Variants in MNDA observed in about 807,000 individuals in gnomAD.
MNDA encodes the protein myeloid cell nuclear differentiation antigen, also known as epididymis secretory sperm binding protein.
Under a neutral mutation model 37.8 loss-of-function variants are expected in MNDA, and 43 were observed. The ratio of observed to expected loss-of-function variants is 1.14; its 90% CI spans 0.89 to 1.47. MNDA has a LOEUF of 1.47. Among genes scored for constraint, MNDA ranks in the 40% most tolerant of loss-of-function variants. MNDA has a pLI of 0.00. For missense variants in MNDA, 536 were observed against 476.0 expected (o/e 1.13, Z -1.17); for synonymous variants, 181 against 169.0 (o/e 1.07, Z -0.55).
At chr1:158,832,524 T>C (rs749646612) in intron 1 of MNDA, among the ~76,000 whole-genome samples, 10 of 151,744 alleles carry the variant, frequency 6.6e-5, no homozygotes, top group Non-Finnish European at 1.3e-4. Context: ...TATATCTAAG[T>C]ATATATGTTA....
chr1:158,834,673 G>C (rs972284022), intron 1 of MNDA, among the ~76,000 whole-genome samples: 12 of 152,008 alleles, frequency 7.9e-5, no homozygotes, highest in Non-Finnish European at 1.5e-4. Context: ...TGTGCCATCG[G>C]TGTCATGTCC....
At chr1:158,842,448 T>C in intron 2 of MNDA, 30 bp downstream of exon 2, 1 of 1,585,090 alleles carries the variant, frequency 6.3e-7, no homozygotes. Context: ...ACATAGCTAC[T>C]CTGCCTTGAG....
intron 2 of MNDA, 87 bp from the exon 3 acceptor site, chr1:158,843,192 A>C (rs1321987876): frequency 6.8e-7 from 1 of 1,475,344 alleles, no homozygotes; most frequent in Non-Finnish European, 9.1e-7. Flanking sequence ...AGGAGCTGAC[A>C]GCAGGTAATA....
chr1:158,838,520 G>A (rs56257984), intron 1 of MNDA, among the ~76,000 whole-genome samples: 26,548 of 151,764 alleles, frequency 0.17, 2,562 homozygotes, highest in Admixed American at 0.26. Flanking sequence ...TTTTCTTTTC[G>A]TCTTTGAGTG....
At chr1:158,847,651 C>T (rs879140788) in intron 5 of MNDA, 77 bp from the exon 6 acceptor site, 1 of 1,415,418 alleles carries the variant, frequency 7.1e-7, no homozygotes. Flanking sequence ...ATTGCATTAA[C>T]TTTGTCATGA....
intron 1 of MNDA, among the ~76,000 whole-genome samples, chr1:158,839,268 A>T (rs1008794320): frequency 1.3e-5 from 2 of 152,142 alleles, no homozygotes; most frequent in Non-Finnish European, 2.9e-5. Flanking sequence ...ACGTTCTCTG[A>T]GGCCTATATG....
Position 158,849,438 on chromosome 1 carries a change from TA to T in MNDA, c.*202del. On this transcript the variant is annotated 3_prime_UTR_variant, in exon 7 of 7. Transcript: ENST00000368141. ...TTCTTCTTATACTCTTCCTTTTTTT[TA>T]GATATTACATTTTGCTTTTATGACA... The T allele has an allele frequency of 4.1e-6, 2 of 487,718 alleles. No individual in the cohort carries two copies. Among genetic ancestry groups the T allele is most frequent in the Non-Finnish European group, 7.4e-6 (2 of 271,956 alleles). 30.2% of individuals were successfully genotyped at this position (487,718 alleles called of 1,614,324 possible). A position where few individuals can be genotyped will look rare whatever the true frequency, so the allele number is the denominator to read the frequency against.
At chr1:158,842,923 C>A (rs1659060509) in intron 2 of MNDA, among the ~76,000 whole-genome samples, 1 of 152,004 alleles carries the variant, frequency 6.6e-6, no homozygotes, top group Non-Finnish European at 1.5e-5. Flanking sequence ...AGATATTGCA[C>A]AGAACATGAC....
chr1:158,847,594 A>C (rs1031052498), intron 5 of MNDA, 134 bp from the exon 6 acceptor site: 14 of 686,300 alleles, frequency 2.0e-5, no homozygotes, highest in Non-Finnish European at 2.7e-5. Context: ...GTGAGATGGC[A>C]GGCCAAGCCA....
chr1:158,845,732 CA>C lies in MNDA; in HGVS notation c.717del (p.Val240TrpfsTer10), dbSNP rs776010746. On this transcript the variant is annotated frameshift_variant, in exon 5 of 7. Transcript: ENST00000368141. LOFTEE classifies it high-confidence loss of function. ...GGGAAAAGCACAATGTTTCATGCTA[CA>C]GTGGCCAGTAAGACTCAATATTTCC... ...ENGKSTMFHA[T>X]VASKTQYFHV... The C allele has an allele frequency of 6.2e-7, 1 of 1,614,102 alleles. No individual in the cohort carries two copies. Among genetic ancestry groups the C allele is most frequent in the South Asian group, 1.1e-5 (1 of 91,082 alleles).
rs750084919 is a variant in MNDA, at chr1:158,842,310, GA to G, written c.164del (p.Lys55SerfsTer8). 2 of 1,614,032 alleles carry G rather than the reference GA, an allele frequency of 1.2e-6. No homozygotes were observed. Among genetic ancestry groups the G allele is most frequent in the Admixed American group, 1.7e-5 (1 of 60,020 alleles). Reference protein sequence around the residue: ...YNRIKITDLMEKKFQGVACLD... With the variant: ...YNRIKITDLMXKKFQGVACLD... ...CAGAATTAAGATTACAGATTTGATGGAAAAAAAGTTCCAAGGCGTTGCCTGT... is the reference window on the plus strand; with the variant it reads ...CAGAATTAAGATTACAGATTTGATGGAAAAAAGTTCCAAGGCGTTGCCTGT... On this transcript the variant is annotated frameshift_variant, in exon 2 of 7. Coordinates refer to ENST00000368141, the MANE Select transcript of MNDA (RefSeq NM_002432.3). LOFTEE classifies it high-confidence loss of function.
At chr1:158,831,819 T>C (rs1041514356) in intron 1 of MNDA, among the ~76,000 whole-genome samples, 3 of 152,152 alleles carry the variant, frequency 2.0e-5, no homozygotes, top group African/African-American at 7.2e-5. Flanking sequence ...CATAAATTGA[T>C]ATTTAGAGGA....
intron 5 of MNDA, among the ~76,000 whole-genome samples, chr1:158,846,739 C>T (rs1271121781): frequency 6.6e-6 from 1 of 152,162 alleles, no homozygotes; most frequent in Non-Finnish European, 1.5e-5. Flanking sequence ...TTACACATTT[C>T]TATGAACTCA....
chr1:158,833,693 T>A (rs1160234370), intron 1 of MNDA, among the ~76,000 whole-genome samples: 1 of 152,236 alleles, frequency 6.6e-6, no homozygotes, highest in African/African-American at 2.4e-5. Flanking sequence ...TAATATTCCA[T>A]TTCATGTATT....
chr1:158,833,092 T>C (rs936219866), intron 1 of MNDA, among the ~76,000 whole-genome samples: 4 of 152,132 alleles, frequency 2.6e-5, no homozygotes, highest in African/African-American at 9.7e-5. Flanking sequence ...CTGTTAAGAG[T>C]ATGTTCATAT....
At position 158,842,083 on chromosome 1, in the gene MNDA, T is replaced by TAA; in HGVS notation, c.-20-48_-20-47dup. 9 of 1,483,474 alleles carry TAA rather than the reference T, an allele frequency of 6.1e-6. No homozygotes were observed. In the South Asian group the frequency reaches 1.1e-4, roughly 18 times the overall value. 91.9% of individuals were successfully genotyped at this position (1,483,474 alleles called of 1,614,324 possible). On this transcript the variant is annotated intron_variant, in intron 1 of 6. Coordinates refer to ENST00000368141, the MANE Select transcript of MNDA (RefSeq NM_002432.3). ...ACTCACAAAAGCATATCTCATTTTT[T>TAA]AAAATTGTCTGCATAAATGTGTAAT...
chr1:158,840,996 A>G (rs1031244900), intron 1 of MNDA, among the ~76,000 whole-genome samples: 4 of 152,202 alleles, frequency 2.6e-5, no homozygotes, highest in Admixed American at 6.5e-5. Context: ...ATTGGAATAT[A>G]CGTTAGGAAC....
chr1:158,843,858 A>G, intron 3 of MNDA, 97 bp from the exon 4 acceptor site: 3 of 1,116,438 alleles, frequency 2.7e-6, no homozygotes, highest in Non-Finnish European at 1.3e-6. Flanking sequence ...CCCATCCAAC[A>G]TAAATAGAAC....
Position 158,847,919 on chromosome 1 carries a change from G to C in MNDA, c.1176+3G>C. On this transcript the variant is annotated splice_donor_region_variant and intron_variant, in intron 6 of 6. Coordinates refer to ENST00000368141, the MANE Select transcript of MNDA (RefSeq NM_002432.3). ...GTGGAAGTCACAGCTTCATCAAGGT[G>C]GGAACTGGATAGAGGAGAATGAGTT... is the stretch of plus-strand genomic sequence containing the variant. The C allele has an allele frequency of 6.2e-7, 1 of 1,612,928 alleles. No homozygotes were observed. Among genetic ancestry groups the C allele is most frequent in the Non-Finnish European group, 8.5e-7 (1 of 1,179,318 alleles).
Sources: gnomAD v4.1 joint callset for allele counts (sites outside exome capture counted in the v4.1 genomes callset) on GRCh38, gnomAD v4.1.1 for gene constraint, MANE v1.5 for transcripts, NCBI Gene and HGNC (gene_info 2026-07-23, HGNC 2026-07-21) for gene names.